Variants in CD44 observed in about 807,000 individuals in gnomAD.
CD44 encodes CD44 molecule (IN blood group), also known as CD44 antigen.
In CD44, 49 loss-of-function variants were observed where a neutral mutation model predicts 88.8. That is an observed-to-expected ratio of 0.55 (90% CI 0.44 to 0.70). The LOEUF (loss-of-function observed/expected upper bound fraction) is 0.70. CD44 is among the 30% of genes least tolerant of loss of function. CD44 has a pLI of 0.00. For missense variants in CD44, 883 were observed against 913.8 expected, an observed-to-expected ratio of 0.97 and a Z score of 0.43; for synonymous variants, 325 against 312.3, an observed-to-expected ratio of 1.04 and a Z score of -0.43.
At chr11:35,224,459 G>GGTGCAGTGGCTCACTCCAT (rs1949550904) in intron 17 of CD44, among the ~76,000 whole-genome samples, 1 of 152,202 alleles carries the variant, frequency 6.6e-6, no homozygotes, top group South Asian at 2.1e-4. Flanking sequence ...ATCTGGGCCA[G>GGTGCAGTGGCTCACTCCAT]GTGCAGTGGC....
intron 1 of CD44, among the ~76,000 whole-genome samples, chr11:35,161,578 C>T (rs1942622115): frequency 6.6e-6 from 1 of 152,138 alleles, no homozygotes; most frequent in East Asian, 1.9e-4. Flanking sequence ...CGCTGTAAGT[C>T]TCTGATTGGA....
intron 4 of CD44, among the ~76,000 whole-genome samples, chr11:35,188,006 A>G (rs773300656): frequency 2.6e-5 from 4 of 152,174 alleles, no homozygotes; most frequent in Non-Finnish European, 4.4e-5. Context: ...TGCCTGGCCT[A>G]TTCCAGCACT....
chr11:35,139,405 G>A, intron 1 of CD44, 35 bp downstream of exon 1: 1 of 1,543,874 alleles, frequency 6.5e-7, no homozygotes, highest in Non-Finnish European at 8.8e-7. Flanking sequence ...AGCAAGATGG[G>A]TGCGGGGTGC....
chr11:35,151,084 G>C (rs895583385), intron 1 of CD44, among the ~76,000 whole-genome samples: 1 of 152,190 alleles, frequency 6.6e-6, no homozygotes, highest in East Asian at 1.9e-4. Context: ...AGGAATTTGA[G>C]GATGAGTTGA....
intron 16 of CD44, among the ~76,000 whole-genome samples, chr11:35,221,228 C>G (rs1037614671): frequency 6.6e-6 from 1 of 152,226 alleles, no homozygotes; most frequent in Middle Eastern, 3.4e-3. Flanking sequence ...TTAACCAATC[C>G]TTTATTGCCT....
chr11:35,146,484 A>G (rs1859204760), intron 1 of CD44, among the ~76,000 whole-genome samples: 1 of 152,216 alleles, frequency 6.6e-6, no homozygotes. Context: ...TAATAATAGC[A>G]AACACTTACA....
At chr11:35,193,959 A>C (rs1019370854) in intron 5 of CD44, among the ~76,000 whole-genome samples, 10 of 152,216 alleles carry the variant, frequency 6.6e-5, no homozygotes, top group African/African-American at 2.4e-4. Context: ...GAGCTTTGAA[A>C]TGCCAGTTGT....
At chr11:35,180,853 A>G (rs527641561) in intron 3 of CD44, among the ~76,000 whole-genome samples, 9 of 152,324 alleles carry the variant, frequency 5.9e-5, no homozygotes, top group Admixed American at 2.0e-4. Flanking sequence ...CTTGCCCTAT[A>G]TGAAGTCTGA....
Position 35,207,611 on chromosome 11 carries a change from T to C in CD44, c.1415-494T>C, listed in dbSNP as rs949245624. Among the ~76,000 whole-genome samples the C allele has an allele frequency of 5.9e-4, 90 of 152,186 alleles. 5 individuals carry two copies. ...TATACTTTCTGTAACTCCACCTAGG[T>C]GGTCTTGGATGACGATTCTGTTTAT... On this transcript the variant is annotated intron_variant, in intron 11 of 17. Coordinates refer to ENST00000428726, the MANE Select transcript of CD44 (RefSeq NM_000610.4).
chr11:35,172,923 T>C, intron 1 of CD44, among the ~76,000 whole-genome samples: 1 of 152,180 alleles, frequency 6.6e-6, no homozygotes, highest in Non-Finnish European at 1.5e-5. Context: ...GGAAGACCCG[T>C]CATATAGACA....
chr11:35,222,378 A>G, intron 17 of CD44: 1 of 1,289,978 alleles, frequency 7.8e-7, no homozygotes, highest in Non-Finnish European at 1.0e-6. Flanking sequence ...ACTGTAGTTG[A>G]AGAGATTCAG....
intron 1 of CD44, among the ~76,000 whole-genome samples, chr11:35,174,520 C>A (rs1420330779): frequency 6.6e-6 from 1 of 152,162 alleles, no homozygotes; most frequent in Non-Finnish European, 1.5e-5. Context: ...CAAGTGTAAA[C>A]CGGGGGTCAT....
At chr11:35,203,171 G>C (rs1947472951) in intron 9 of CD44, among the ~76,000 whole-genome samples, 1 of 152,150 alleles carries the variant, frequency 6.6e-6, no homozygotes, top group Non-Finnish European at 1.5e-5. Context: ...ACAACTTCTA[G>C]AAGAAAGTCA....
chr11:35,186,520 TA>T (rs1945698612), intron 3 of CD44, among the ~76,000 whole-genome samples: 2 of 136,150 alleles, frequency 1.5e-5, no homozygotes, highest in South Asian at 6.1e-4. Context: ...GAGCCGTGTC[TA>T]TCTTATTTAA....
At chr11:35,162,054 G>C (rs1273724060) in intron 1 of CD44, among the ~76,000 whole-genome samples, 1 of 152,114 alleles carries the variant, frequency 6.6e-6, no homozygotes, top group Non-Finnish European at 1.5e-5. Context: ...TCATTTACCT[G>C]TATACTATAT....
At chr11:35,159,140 CT>C (rs1280942263) in intron 1 of CD44, among the ~76,000 whole-genome samples, 29 of 152,218 alleles carry the variant, frequency 1.9e-4, no homozygotes, top group African/African-American at 5.3e-4. Context: ...CACTTCCTCC[CT>C]AGAAGCGCAA....
At chr11:35,198,007 ACTTT>A (rs1168087562) in intron 6 of CD44, 110 bp from the exon 7 acceptor site, 1 of 1,126,504 alleles carries the variant, frequency 8.9e-7, no homozygotes, top group Admixed American at 2.7e-5. Flanking sequence ...CAACTCCCTC[ACTTT>A]CTTTTAAAAA....
intron 1 of CD44, among the ~76,000 whole-genome samples, chr11:35,148,674 G>A (rs1343899590): frequency 6.6e-6 from 1 of 152,178 alleles, no homozygotes; most frequent in Non-Finnish European, 1.5e-5. Context: ...AGCTCCTTAG[G>A]GAAAAGCCCA....
intron 1 of CD44, among the ~76,000 whole-genome samples, chr11:35,141,319 C>T (rs544986967): frequency 6.6e-6 from 1 of 152,222 alleles, no homozygotes; most frequent in Admixed American, 6.5e-5. Flanking sequence ...GGAAGGATTT[C>T]AGGGAGGGAA....
Sources: allele counts gnomAD v4.1 joint callset (sites outside exome capture counted in the v4.1 genomes callset), GRCh38; gene constraint gnomAD v4.1.1; transcripts MANE v1.5; gene names NCBI Gene and HGNC (gene_info 2026-07-23, HGNC 2026-07-21).